PDE4B: variants seen among roughly 807,000 people sequenced by gnomAD.
PDE4B encodes phosphodiesterase 4B.
Under a neutral mutation model 82.2 loss-of-function variants are expected in PDE4B, and 20 were observed. The observed-to-expected ratio is 0.24, with a 90% CI of 0.17 to 0.35. PDE4B has a LOEUF of 0.35. Ranked by LOEUF, PDE4B falls within the 10% of genes least tolerant of loss-of-function variation. The pLI is 1.00. For synonymous variants in PDE4B, 320 were observed against 318.9 expected (o/e 1.00, Z -0.04); for missense variants, 655 against 907.2 (o/e 0.72, Z 3.57).
At chr1:66,025,539 C>T (rs1023717338) in intron 3 of PDE4B, among the ~76,000 whole-genome samples, 1 of 152,112 alleles carries the variant, frequency 6.6e-6, no homozygotes, top group Non-Finnish European at 1.5e-5. Context: ...AAAATAATGA[C>T]TTCATACTCT....
At chr1:66,075,401 T>C (rs1021157301) in intron 3 of PDE4B, among the ~76,000 whole-genome samples, 1 of 151,744 alleles carries the variant, frequency 6.6e-6, no homozygotes, top group African/African-American at 2.4e-5. Context: ...TTTGTTAAAC[T>C]TATTAAGGAA....
chr1:66,091,811 A>C (rs1645031756), intron 3 of PDE4B, among the ~76,000 whole-genome samples: 1 of 152,036 alleles, frequency 6.6e-6, no homozygotes, highest in Non-Finnish European at 1.5e-5. Flanking sequence ...CTGAGAAGTA[A>C]ATTTTCCATG....
At chr1:66,167,470 T>C (rs1034119699) in intron 3 of PDE4B, among the ~76,000 whole-genome samples, 2 of 152,194 alleles carry the variant, frequency 1.3e-5, no homozygotes, top group African/African-American at 4.8e-5. Flanking sequence ...ATATTCAGAA[T>C]GGGCCACTCC....
intron 3 of PDE4B, among the ~76,000 whole-genome samples, chr1:66,197,557 A>G (rs1648434913): frequency 6.6e-6 from 1 of 152,158 alleles, no homozygotes; most frequent in South Asian, 2.1e-4. Context: ...CTTTACAGAT[A>G]TGCAACTTAA....
intron 3 of PDE4B, among the ~76,000 whole-genome samples, chr1:66,123,350 G>A (rs1390917886): frequency 2.6e-5 from 4 of 152,152 alleles, no homozygotes; most frequent in African/African-American, 9.7e-5. Flanking sequence ...TAGCTTTTAT[G>A]TCTGTCCAAC....
intron 8 of PDE4B, among the ~76,000 whole-genome samples, chr1:66,339,592 C>T (rs1016025024): frequency 1.3e-5 from 2 of 152,102 alleles, no homozygotes; most frequent in Admixed American, 6.5e-5. Flanking sequence ...ATTGTTTTAC[C>T]TCTGGCTACC....
chr1:66,365,597 T>C, intron 12 of PDE4B, 70 bp from the exon 13 acceptor site: 1 of 827,530 alleles, frequency 1.2e-6, no homozygotes, highest in South Asian at 1.6e-5. Flanking sequence ...TAGGATACTT[T>C]ACAAATGAAA....
At chr1:65,802,485 T>C (rs751425956) in intron 1 of PDE4B, among the ~76,000 whole-genome samples, 1 of 152,176 alleles carries the variant, frequency 6.6e-6, no homozygotes, top group Non-Finnish European at 1.5e-5. Flanking sequence ...ACCAGAACTA[T>C]GTCAATGGCC....
chr1:66,248,833 G>A (rs1481923365), intron 4 of PDE4B, among the ~76,000 whole-genome samples: 1 of 152,164 alleles, frequency 6.6e-6, no homozygotes, highest in Non-Finnish European at 1.5e-5. Context: ...CATTTAATGA[G>A]CACTTCCCAT....
intron 3 of PDE4B, among the ~76,000 whole-genome samples, chr1:66,222,753 T>C (rs1302982329): frequency 6.6e-6 from 1 of 152,210 alleles, no homozygotes; most frequent in Non-Finnish European, 1.5e-5. Flanking sequence ...TGTAAAAATA[T>C]GCTCCCAGTT....
At chr1:66,077,523 C>A (rs1247415004) in intron 3 of PDE4B, among the ~76,000 whole-genome samples, 4 of 152,042 alleles carry the variant, frequency 2.6e-5, no homozygotes, top group Non-Finnish European at 4.4e-5. Context: ...CATTTATGAC[C>A]TCAGAACTGA....
At chr1:66,338,862 C>CAA (rs11421650) in intron 8 of PDE4B, among the ~76,000 whole-genome samples, 2 of 150,360 alleles carry the variant, frequency 1.3e-5, no homozygotes, top group Non-Finnish European at 2.9e-5. Flanking sequence ...ACTAAAAATA[C>CAA]AAAAAAATTA....
At chr1:66,130,621 C>T (rs191085721) in intron 3 of PDE4B, among the ~76,000 whole-genome samples, 2 of 152,296 alleles carry the variant, frequency 1.3e-5, no homozygotes, top group Admixed American at 1.3e-4. Context: ...AGACACCTCA[C>T]CCAGAATCAT....
chr1:65,977,656 T>G (rs1335478966), intron 3 of PDE4B, among the ~76,000 whole-genome samples: 1 of 152,250 alleles, frequency 6.6e-6, no homozygotes, highest in African/African-American at 2.4e-5. Context: ...TGTATAGTTC[T>G]TGTTCTTTCT....
In PDE4B at chr1:66,268,287, A is replaced by G. The variant is rs561783587; in HGVS notation, c.634+2200A>G. On this transcript the variant is annotated intron_variant, in intron 7 of 16. Transcript: ENST00000341517. Reference sequence around the variant, plus strand: ...TTATTTTAAAAGCTAATTGTCAGAAACCATGGTAAATTGGTACATTTACTT... The same window carrying G: ...TTATTTTAAAAGCTAATTGTCAGAAGCCATGGTAAATTGGTACATTTACTT... Among the ~76,000 whole-genome samples the G allele has an allele frequency of 2.0e-5, 3 of 152,348 alleles. No individual in the cohort carries two copies. The South Asian group carries it at 6.2e-4, about 32-fold the overall frequency.
intron 3 of PDE4B, among the ~76,000 whole-genome samples, chr1:66,171,950 TA>T (rs577359433): frequency 9.8e-4 from 149 of 152,304 alleles, no homozygotes; most frequent in African/African-American, 3.4e-3. Flanking sequence ...GCTTTCTTTT[TA>T]AAAAATTTCA....
intron 3 of PDE4B, among the ~76,000 whole-genome samples, chr1:65,951,855 T>C (rs2100573335): frequency 6.6e-6 from 1 of 152,162 alleles, no homozygotes; most frequent in South Asian, 2.1e-4. Flanking sequence ...AAATTCCAAG[T>C]ATAATTCTAG....
At chr1:66,054,899 A>T (rs1253603382) in intron 3 of PDE4B, among the ~76,000 whole-genome samples, 1 of 152,144 alleles carries the variant, frequency 6.6e-6, no homozygotes, top group East Asian at 1.9e-4. Flanking sequence ...GTTTCATGAC[A>T]TCTTCCTATA....
chr1:65,886,379 G>A (rs573290548), intron 1 of PDE4B, among the ~76,000 whole-genome samples: 103 of 152,162 alleles, frequency 6.8e-4, no homozygotes, highest in Middle Eastern at 3.4e-3. Flanking sequence ...CTATGTATTA[G>A]GAACATTTCA....
Sources: gnomAD v4.1 joint callset for allele counts (sites outside exome capture counted in the v4.1 genomes callset) on GRCh38, gnomAD v4.1.1 for gene constraint, MANE v1.5 for transcripts, NCBI Gene and HGNC (gene_info 2026-07-23, HGNC 2026-07-21) for gene names.